The following SPIN1 variants were observed in gnomAD, a reference collection of about 807,000 sequenced individuals.
SPIN1 encodes spindlin 1.
Under a neutral mutation model 26.0 loss-of-function variants are expected in SPIN1, and 3 were observed. The observed-to-expected ratio is 0.12, with a 90% CI of 0.05 to 0.30. The LOEUF (loss-of-function observed/expected upper bound fraction) is 0.30. Ranked by LOEUF, SPIN1 falls within the 10% of genes least tolerant of loss-of-function variation. SPIN1 has a pLI of 1.00. For synonymous variants in SPIN1, 101 were observed against 116.5 expected (o/e 0.87, Z 0.86); for missense variants, 126 against 333.4 (o/e 0.38, Z 4.84).
chr9:88,451,701 C>G (rs1828356139), intron 3 of SPIN1, among the ~76,000 whole-genome samples: 1 of 152,174 alleles, frequency 6.6e-6, no homozygotes, highest in African/African-American at 2.4e-5. Context: ...GCTGAGACCA[C>G]AGGCGTGCCG....
At chr9:88,389,035 G>C (rs1826856596) in intron 1 of SPIN1, among the ~76,000 whole-genome samples, 1 of 151,712 alleles carries the variant, frequency 6.6e-6, no homozygotes, top group African/African-American at 2.4e-5. Context: ...GGACCCCGGC[G>C]CGACGGGTCG....
intron 1 of SPIN1, among the ~76,000 whole-genome samples, chr9:88,399,115 T>A (rs1276348023): frequency 1.3e-5 from 2 of 150,450 alleles, no homozygotes; most frequent in Non-Finnish European, 3.0e-5. Context: ...CACTGCAACC[T>A]CCGCCTCCTG....
intron 5 of SPIN1, among the ~76,000 whole-genome samples, chr9:88,470,023 G>A (rs915408538): frequency 3.3e-5 from 5 of 152,200 alleles, no homozygotes; most frequent in African/African-American, 9.6e-5. Flanking sequence ...AATACTTGCT[G>A]TGTAAATTTC....
chr9:88,409,902 T>C (rs1252409234), intron 1 of SPIN1, among the ~76,000 whole-genome samples: 4 of 152,198 alleles, frequency 2.6e-5, no homozygotes, highest in South Asian at 4.1e-4. Flanking sequence ...TTTCCCTCCT[T>C]CTTAAGTTCA....
chr9:88,449,090 C>A, intron 3 of SPIN1, 101 bp downstream of exon 3: 2 of 1,056,006 alleles, frequency 1.9e-6, no homozygotes, highest in Non-Finnish European at 1.5e-6. Flanking sequence ...TGATCGAGGG[C>A]TTCCTAGCTC....
chr9:88,427,604 CTTTT>C (rs1007368685), intron 2 of SPIN1, among the ~76,000 whole-genome samples: 3 of 151,312 alleles, frequency 2.0e-5, no homozygotes, highest in Admixed American at 6.6e-5. Context: ...CTTTTTCTCT[CTTTT>C]TTTTCTTTTT....
intron 1 of SPIN1, chr9:88,415,588 ATTTT>A (rs1235220856): frequency 2.0e-5 from 3 of 151,412 alleles, no homozygotes; most frequent in Non-Finnish European, 4.4e-5. Context: ...GCTAATTTTT[ATTTT>A]TTATTTTTTT....
intron 1 of SPIN1, among the ~76,000 whole-genome samples, chr9:88,425,521 T>C (rs1587790324): frequency 2.0e-5 from 3 of 151,672 alleles, no homozygotes; most frequent in South Asian, 2.1e-4. Flanking sequence ...TTACTAAAAA[T>C]ACAAAAATTA....
chr9:88,389,275 A>G (rs1031551763), intron 1 of SPIN1: 1 of 152,196 alleles, frequency 6.6e-6, no homozygotes, highest in African/African-American at 2.4e-5. Flanking sequence ...TTTCCTCTCC[A>G]TCGTGAGTGA....
chr9:88,469,517 G>T (rs999700872), intron 5 of SPIN1, among the ~76,000 whole-genome samples: 1 of 152,070 alleles, frequency 6.6e-6, no homozygotes, highest in African/African-American at 2.4e-5. Context: ...CTTTATTGTG[G>T]TTTTTGTTTT....
intron 2 of SPIN1, among the ~76,000 whole-genome samples, chr9:88,429,592 G>C (rs1307625465): frequency 6.6e-6 from 1 of 152,284 alleles, no homozygotes; most frequent in Non-Finnish European, 1.5e-5. Context: ...ATAGGGCAAG[G>C]CATGCAGGAA....
intron 1 of SPIN1, among the ~76,000 whole-genome samples, chr9:88,396,225 T>G: frequency 1.4e-5 from 2 of 147,238 alleles, no homozygotes; most frequent in African/African-American, 5.0e-5. Context: ...GGTGACAGAG[T>G]GAGACTCCAT....
rs371780074 is a variant in SPIN1, at chr9:88,477,552, C to T, written c.*2275C>T. 3.3e-5 allele frequency: 5 copies of T among 151,736 alleles called. No homozygotes were observed. In the South Asian group the frequency reaches 8.3e-4, roughly 25 times the overall value. The allele number at this position is 151,736 out of a possible 1,614,324, so 9.4% of individuals were successfully genotyped here. The stretch of plus-strand genomic sequence containing the variant: ...AAAGGGAAGGTTTGTTTTTTTTTCT[C>T]CCCATTTTCCCCCATTCTGTCTTTC... On this transcript the variant is annotated 3_prime_UTR_variant, in exon 6 of 6. Transcript: ENST00000375859.
chr9:88,457,381 T>G (rs955840284), intron 3 of SPIN1, among the ~76,000 whole-genome samples: 1 of 152,080 alleles, frequency 6.6e-6, no homozygotes, highest in Middle Eastern at 3.4e-3. Flanking sequence ...ATGGAAAAAT[T>G]AGCCGGGTGT....
chr9:88,466,890 C>G (rs765769640), intron 4 of SPIN1, among the ~76,000 whole-genome samples: 20 of 151,980 alleles, frequency 1.3e-4, no homozygotes, highest in Non-Finnish European at 2.4e-4. Flanking sequence ...CCTGCACTGC[C>G]ACACCTGGCT....
At chr9:88,425,913 T>G (rs1464594761) in intron 1 of SPIN1, among the ~76,000 whole-genome samples, 2 of 152,170 alleles carry the variant, frequency 1.3e-5, no homozygotes. Flanking sequence ...TTTCCTGTGC[T>G]GCCCCCGTGC....
intron 2 of SPIN1, among the ~76,000 whole-genome samples, chr9:88,447,076 G>C (rs1186553892): frequency 1.3e-5 from 2 of 152,100 alleles, no homozygotes; most frequent in African/African-American, 4.8e-5. Context: ...TTGTCCTAAA[G>C]GTCACTGAGG....
intron 1 of SPIN1, chr9:88,389,430 T>C (rs1032701808): frequency 1.3e-5 from 2 of 152,248 alleles, no homozygotes; most frequent in Admixed American, 1.3e-4. Flanking sequence ...GAGTAATGGC[T>C]TCAGTAATGT....
At chr9:88,401,328 A>G (rs1827182313) in intron 1 of SPIN1, among the ~76,000 whole-genome samples, 2 of 152,098 alleles carry the variant, frequency 1.3e-5, no homozygotes, top group Admixed American at 1.3e-4. Context: ...ACACTGGAAT[A>G]TTGTGCCACT....
Sources: allele counts gnomAD v4.1 joint callset (sites outside exome capture counted in the v4.1 genomes callset), GRCh38; gene constraint gnomAD v4.1.1; transcripts MANE v1.5; gene names NCBI Gene and HGNC (gene_info 2026-07-23, HGNC 2026-07-21).